ZFP28: variants seen among roughly 807,000 people sequenced by gnomAD.
ZFP28 encodes zinc finger protein 28 homolog.
A neutral mutation model predicts 39.5 loss-of-function variants in ZFP28; 31 were observed. That is an observed-to-expected ratio of 0.79 (90% confidence interval 0.59 to 1.06). ZFP28 has a LOEUF of 1.06. Ranked by LOEUF, ZFP28 falls within the 50% of genes least tolerant of loss-of-function variation. The pLI, the probability that ZFP28 is intolerant of heterozygous loss-of-function variation, is 0.00. For missense variants in ZFP28, 925 were observed against 1,048.4 expected (o/e 0.88, Z 1.63); for synonymous variants, 400 against 378.6 (o/e 1.06, Z -0.66).
At position 56,545,020 on chromosome 19, in the gene ZFP28, T is replaced by A. The variant is rs535904991; in HGVS notation, c.301-2488T>A. Among the ~76,000 whole-genome samples, 3 of 152,346 alleles carry A rather than the reference T, an allele frequency of 2.0e-5. No homozygotes were observed. The South Asian group carries it at 6.2e-4, about 32-fold the overall frequency. ...GGGTTGATTCTTCTTGGCAAGCAAATAAGTTCCTCTTCTTTTATGCCAAGA... is the reference window on the plus strand; with the variant it reads ...GGGTTGATTCTTCTTGGCAAGCAAAAAAGTTCCTCTTCTTTTATGCCAAGA... On this transcript the variant is annotated intron_variant, in intron 2 of 7. Transcript: ENST00000301318.
chr19:56,552,638 TCTTACTATATAGTAG>T (rs2044314651), intron 7 of ZFP28: 1 of 152,178 alleles, frequency 6.6e-6, no homozygotes, highest in Admixed American at 6.5e-5. Context: ...ATATGGTATT[TCTTACTATATAGTAG>T]CTTAACTTGG....
At chr19:56,544,660 T>C (rs2044224107) in intron 2 of ZFP28, 1 of 152,206 alleles carries the variant, frequency 6.6e-6, no homozygotes. Context: ...CTCAATATTT[T>C]CTCATCTGTA....
intron 2 of ZFP28, among the ~76,000 whole-genome samples, chr19:56,540,333 G>A (rs2044184954): frequency 2.0e-5 from 3 of 152,258 alleles, no homozygotes; most frequent in Admixed American, 6.5e-5. Flanking sequence ...ATTTTAGGGA[G>A]AGGAGGCGCA....
intron 2 of ZFP28, among the ~76,000 whole-genome samples, chr19:56,541,815 C>T (rs1055276415): frequency 7.3e-5 from 11 of 151,072 alleles, no homozygotes; most frequent in South Asian, 4.2e-4. Flanking sequence ...CTGCAACCTC[C>T]GCCTCCTGAG....
chr19:56,540,832 A>G (rs1381402717), intron 2 of ZFP28, among the ~76,000 whole-genome samples: 3 of 152,122 alleles, frequency 2.0e-5, no homozygotes, highest in Non-Finnish European at 2.9e-5. Flanking sequence ...GTCCTTCAAT[A>G]GGCCCCCTTT....
At chr19:56,550,234 C>A in intron 6 of ZFP28, 53 bp downstream of exon 6, 1 of 1,509,254 alleles carries the variant, frequency 6.6e-7, no homozygotes, top group Non-Finnish European at 9.0e-7. Flanking sequence ...CCTCCATTTC[C>A]AAACTTCAGT....
rs2044269486 is a variant in ZFP28 at position 56,549,074 on chromosome 19, C to A, written c.640C>A (p.Leu214Met). 1.9e-6 allele frequency: 3 copies of A among 1,613,468 alleles called. No individual in the cohort carries two copies. Among genetic ancestry groups the A allele is most frequent in the Non-Finnish European group, 2.5e-6 (3 of 1,179,838 alleles). Residue 214 changes from leucine (L) to methionine (M), a missense_variant, in exon 5 of 8, where the codon CTG (leucine) becomes ATG (methionine). Around this residue, in one of 2 missense-constraint regions of ZFP28, gnomAD observed 556 missense variants for 542.9 expected, o/e 1.02. Transcript: ENST00000301318. ...RLTSYNLEYS[L>M]LGEHWDYDAL... The stretch of plus-strand genomic sequence containing the variant: ...CACAAGCTATAATCTGGAGTACTCT[C>A]TGTTAGGGGAACACTGGGATTATGA...
rs748902632 is a variant in ZFP28, at chr19:56,539,197, G to A, written c.179G>A (p.Gly60Glu). The change falls in exon 1 of 8, where the codon GGA becomes GAA. Residue 60 changes from glycine to glutamate, a missense_variant. Physicochemically the swap from Gly to Glu is moderately conservative, Grantham distance 98. This residue lies in a region of ZFP28 where 556 missense variants were observed against 542.9 expected (regional missense o/e 1.02). Coordinates refer to ENST00000301318, the MANE Select transcript of ZFP28 (RefSeq NM_020828.2). ...GGCCTCGCATCCAAAGGCCAGCGAG[G>A]AGCGGCCCCTACGGGGCCTGGGCAC... ...RNGLASKGQR[G>E]AAPTGPGHRA... 1.1e-5 allele frequency: 18 copies of A among 1,600,774 alleles called. No individual in the cohort carries two copies. The African/African-American group carries it at 2.0e-4, about 18-fold the overall frequency.
Position 56,555,491 on chromosome 19 carries a change from A to G in ZFP28, c.*99A>G, listed in dbSNP as rs2044343451. ...TGTCCCTTATTAGTTAGTTCTTCAC[A>G]TAAGTGTAAATGTAACTTATTCACT... On this transcript the variant is annotated 3_prime_UTR_variant, in exon 8 of 8. Transcript: ENST00000301318. 2.6e-5 allele frequency: 37 copies of G among 1,419,260 alleles called. No individual in the cohort carries two copies. The South Asian group carries it at 3.6e-4, about 14-fold the overall frequency. The allele number at this position is 1,419,260 out of a possible 1,614,324, so 87.9% of individuals were successfully genotyped here. A position where few individuals can be genotyped will look rare whatever the true frequency, so the allele number is the denominator to read the frequency against.
At position 56,555,337 on chromosome 19, in the gene ZFP28, C is replaced by G; in HGVS notation, c.2552C>G (p.Pro851Arg). ...CCCTCTTTACCTTCCACGTCAAATC[C>G]TGTGGATCTGTTTCCCAAATTTCTC... ...TCPSLPSTSNPVDLFPKFLWN... is the reference protein window; with the variant it reads ...TCPSLPSTSNRVDLFPKFLWN... Residue 851 changes from proline (P) to arginine (R), a missense_variant, in exon 8 of 8, where the codon CCT becomes CGT. Transcript: ENST00000301318. The G allele has an allele frequency of 6.2e-7, 1 of 1,613,538 alleles. No individual in the cohort carries two copies. Among genetic ancestry groups the G allele is most frequent in the South Asian group, 1.1e-5 (1 of 90,938 alleles).
At chr19:56,548,038 C>T in intron 4 of ZFP28, 136 bp downstream of exon 4, 2 of 718,630 alleles carry the variant, frequency 2.8e-6, no homozygotes, top group Non-Finnish European at 4.3e-6. Context: ...TTTGGGAATA[C>T]AGAAATTTCA....
At position 56,553,257 on chromosome 19, in the gene ZFP28, G is replaced by C. The variant is rs540660979; in HGVS notation, c.899-427G>C. 211 of 152,594 alleles carry C rather than the reference G, an allele frequency of 1.4e-3. 2 individuals are homozygous for C. Among genetic ancestry groups the C allele is most frequent in the Non-Finnish European group, 2.3e-3 (159 of 68,816 alleles). 9.5% of individuals were successfully genotyped at this position (152,594 alleles called of 1,614,324 possible). A position where few individuals can be genotyped will look rare whatever the true frequency, so the allele number is the denominator to read the frequency against. On this transcript the variant is annotated intron_variant, in intron 7 of 7. Transcript: ENST00000301318. ...TTTTTTTGAGTCAGATTCTGGCTCT[G>C]TTCCCCAGGCTGGAGTGCAGTGGCT... is the stretch of plus-strand genomic sequence containing the variant.
intron 7 of ZFP28, chr19:56,551,331 TA>T: frequency 1.0e-6 from 1 of 987,058 alleles, no homozygotes; most frequent in Non-Finnish European, 1.2e-6. Context: ...GGCAAAAGAA[TA>T]TAAAACCGTG....
upstream of ZFP28, chr19:56,538,918 A>AGC: frequency 1.0e-6 from 1 of 967,558 alleles, no homozygotes; most frequent in Non-Finnish European, 1.3e-6. Context: ...GCCATGGGGG[A>AGC]GCGCGCGCGG....
At position 56,547,684 on chromosome 19, in the gene ZFP28, A is replaced by T. The variant is rs1292178091; in HGVS notation, c.427+50A>T. The T allele has an allele frequency of 6.5e-7, 1 of 1,547,982 alleles. No individual in the cohort carries two copies. Among genetic ancestry groups the T allele is most frequent in the South Asian group, 1.2e-5 (1 of 85,340 alleles). On this transcript the variant is annotated intron_variant, in intron 3 of 7. Coordinates refer to ENST00000301318, the MANE Select transcript of ZFP28 (RefSeq NM_020828.2). This position sits in a 1 kb window ranked among gnomAD's most constrained non-coding sequence, Gnocchi z 4.6. ...ACCCCTCACCCTACCCACGTCCTGG[A>T]CTAAGAAGCCTTTCATGCCTTTATC...
At chr19:56,542,268 C>G (rs1896678038) in intron 2 of ZFP28, among the ~76,000 whole-genome samples, 1 of 152,106 alleles carries the variant, frequency 6.6e-6, no homozygotes, top group African/African-American at 2.4e-5. Flanking sequence ...GTGCTCCCAT[C>G]TCAGCCTCCG....
intron 4 of ZFP28, 55 bp from the exon 5 acceptor site, chr19:56,548,903 T>C: frequency 2.0e-6 from 3 of 1,492,556 alleles, no homozygotes; most frequent in South Asian, 2.8e-5. Context: ...TTTTGGAATT[T>C]TTCTTCATAC....
At position 56,549,027 on chromosome 19, in the gene ZFP28, A is replaced by G. The variant is rs1018994087; in HGVS notation, c.593A>G (p.Gln198Arg). The G allele has an allele frequency of 6.2e-7, 1 of 1,614,156 alleles. No homozygotes were observed. The highest frequency in any genetic ancestry group is 8.5e-7 in the Non-Finnish European group (1 of 1,180,006). ...GACTTCTGCGAAGGAAAGCTATCCC[A>G]GGCAGTGATAACAGAGAGACTCACA... ...KKDFCEGKLS[Q>R]AVITERLTSY... The change falls in exon 5 of 8, where the codon CAG (glutamine) becomes CGG (arginine). Residue 198 changes from glutamine to arginine, a missense_variant. Physicochemically the swap from Gln to Arg is conservative, Grantham distance 43. Transcript: ENST00000301318.
At chr19:56,546,866 T>C (rs2044245789) in intron 2 of ZFP28, 1 of 152,686 alleles carries the variant, frequency 6.5e-6, no homozygotes, top group Non-Finnish European at 1.5e-5. Flanking sequence ...GTTTTTCTTG[T>C]GGCTGCCTCC....
Sources: allele counts gnomAD v4.1 joint callset (sites outside exome capture counted in the v4.1 genomes callset), GRCh38; gene constraint gnomAD v4.1.1; regional missense constraint gnomAD v4.1.1; non-coding constraint Gnocchi (gnomAD v3.1); transcripts MANE v1.5; gene names NCBI Gene and HGNC (gene_info 2026-07-23, HGNC 2026-07-21).